Variants in KIF13B observed in about 807,000 individuals in gnomAD.
KIF13B encodes kinesin-like protein KIF13B.
Under a neutral mutation model 222.0 loss-of-function variants are expected in KIF13B, and 127 were observed. The observed-to-expected ratio is 0.57, with a 90% CI of 0.50 to 0.66. KIF13B has a LOEUF of 0.66. Ranked by LOEUF, KIF13B falls within the 30% of genes least tolerant of loss-of-function variation. The pLI, the probability that KIF13B is intolerant of heterozygous loss-of-function variation, is 0.00. For missense variants in KIF13B, 2,173 were observed against 2,379.0 expected, an observed-to-expected ratio of 0.91 and a Z score of 1.80; for synonymous variants, 976 against 919.0, an observed-to-expected ratio of 1.06 and a Z score of -1.12.
At chr8:29,241,853 A>T (rs1272108103) in intron 2 of KIF13B, among the ~76,000 whole-genome samples, 1 of 152,016 alleles carries the variant, frequency 6.6e-6, no homozygotes, top group Non-Finnish European at 1.5e-5. Flanking sequence ...GAGACAAAAT[A>T]TTTTTTTTAA....
At chr8:29,221,339 G>A (rs924638300) in intron 2 of KIF13B, among the ~76,000 whole-genome samples, 2 of 151,680 alleles carry the variant, frequency 1.3e-5, no homozygotes, top group East Asian at 1.9e-4. Flanking sequence ...CTGACCTCAA[G>A]TGATCTGCCC....
intron 2 of KIF13B, among the ~76,000 whole-genome samples, chr8:29,241,925 G>C (rs1815800539): frequency 6.6e-6 from 1 of 152,058 alleles, no homozygotes; most frequent in African/African-American, 2.4e-5. Flanking sequence ...CTAGTCACTA[G>C]CTTAAACTTT....
At position 29,128,044 on chromosome 8, in the gene KIF13B, GTATCAGTAAATA is replaced by G. The variant is rs61456296; in HGVS notation, c.3076-788_3076-777del. 2.1e-4 allele frequency among the ~76,000 whole-genome samples: 32 copies of G among 149,978 alleles called. No homozygotes were observed. The East Asian group carries it at 5.6e-3, about 26-fold the overall frequency. On this transcript the variant is annotated intron_variant, in intron 24 of 39. Coordinates refer to ENST00000524189, the MANE Select transcript of KIF13B (RefSeq NM_015254.4). ...TAAAATCAGTAAATATAAAAAATCA[GTATCAGTAAATA>G]TATCAGTAAATATATTATGTAAATA...
chr8:29,201,622 A>G (rs572114381), intron 2 of KIF13B, among the ~76,000 whole-genome samples: 58 of 152,300 alleles, frequency 3.8e-4, no homozygotes, highest in African/African-American at 9.9e-4. Context: ...TCCAAATCCC[A>G]TCATCTCTTT....
At chr8:29,080,657 C>T (rs1052363595) in intron 37 of KIF13B, among the ~76,000 whole-genome samples, 5 of 152,188 alleles carry the variant, frequency 3.3e-5, no homozygotes, top group Non-Finnish European at 5.9e-5. Context: ...GCTTGGCATT[C>T]TAACTTTTGT....
intron 29 of KIF13B, 106 bp downstream of exon 29, chr8:29,122,485 C>A: frequency 1.2e-6 from 1 of 868,978 alleles, no homozygotes. Flanking sequence ...CTGGCTCTAG[C>A]CTTAGGGGGA....
Position 29,071,938 on chromosome 8 carries a change from G to A in KIF13B, c.4900C>T (p.Arg1634Cys), listed in dbSNP as rs1411199048. ...PQQLVSPGRE[R>C]PDLEAPAPGS... Reference sequence around the variant, plus strand: ...GGCGCCGGGGCCTCGAGGTCGGGGCGCTCCCGACCGGGGCTCACGAGCTGC... The same window carrying A: ...GGCGCCGGGGCCTCGAGGTCGGGGCACTCCCGACCGGGGCTCACGAGCTGC... Residue 1634 changes from arginine (R) to cysteine (C), a missense_variant, in exon 39 of 40, where the codon CGC (arginine) becomes TGC (cysteine). Around this residue, in one of 2 missense-constraint regions of KIF13B, gnomAD observed 693 missense variants for 656.2 expected, o/e 1.06. Coordinates refer to ENST00000524189, the MANE Select transcript of KIF13B (RefSeq NM_015254.4). This position sits in a 1 kb window ranked among gnomAD's most constrained non-coding sequence, Gnocchi z 4.9. 4 of 1,395,782 alleles carry A rather than the reference G, an allele frequency of 2.9e-6. No homozygotes were observed. The highest frequency in any genetic ancestry group is 3.0e-5 in the South Asian group (2 of 67,266). The allele number at this position is 1,395,782 out of a possible 1,614,324, so 86.5% of individuals were successfully genotyped here.
intron 1 of KIF13B, among the ~76,000 whole-genome samples, chr8:29,246,299 C>T (rs1816019217): frequency 6.6e-6 from 1 of 151,874 alleles, no homozygotes; most frequent in Non-Finnish European, 1.5e-5. Context: ...ATCGCTTGAA[C>T]CCAGGAGGCA....
intron 2 of KIF13B, among the ~76,000 whole-genome samples, chr8:29,239,422 A>G (rs1055947653): frequency 6.6e-6 from 1 of 152,246 alleles, no homozygotes; most frequent in African/African-American, 2.4e-5. Flanking sequence ...TTAAAAGGAC[A>G]AAAGAGAAAC....
chr8:29,182,855 TGA>T (rs757050189), intron 6 of KIF13B, among the ~76,000 whole-genome samples: 26 of 152,086 alleles, frequency 1.7e-4, no homozygotes, highest in Non-Finnish European at 3.5e-4. Flanking sequence ...TCAAAATTGC[TGA>T]GAGTAGACAG....
intron 2 of KIF13B, among the ~76,000 whole-genome samples, chr8:29,233,673 A>C (rs1218570436): frequency 6.6e-6 from 1 of 152,180 alleles, no homozygotes; most frequent in Non-Finnish European, 1.5e-5. Context: ...ATATTTTTTG[A>C]ATTAGAAGCT....
chr8:29,096,036 C>A (rs1463569351), intron 36 of KIF13B, among the ~76,000 whole-genome samples: 1 of 149,878 alleles, frequency 6.7e-6, no homozygotes, highest in Non-Finnish European at 1.5e-5. Flanking sequence ...GACTGGAGTG[C>A]GATGGCGTGA....
At chr8:29,135,029 CT>C (rs1315051630) in intron 21 of KIF13B, among the ~76,000 whole-genome samples, 7 of 152,214 alleles carry the variant, frequency 4.6e-5, no homozygotes, top group African/African-American at 1.4e-4. Flanking sequence ...CTTAATATTT[CT>C]TTTGGTGGGC....
intron 29 of KIF13B, 137 bp from the exon 30 acceptor site, chr8:29,119,129 T>G: frequency 1.2e-6 from 1 of 864,018 alleles, no homozygotes; most frequent in South Asian, 1.7e-5. Context: ...TACATGACAC[T>G]GAAGATGACC....
intron 14 of KIF13B, among the ~76,000 whole-genome samples, chr8:29,152,217 G>A (rs781169929): frequency 1.5e-4 from 23 of 152,254 alleles, no homozygotes; most frequent in Non-Finnish European, 2.5e-4. Context: ...CAAAGAAAGT[G>A]GTTTCTTGAG....
intron 30 of KIF13B, among the ~76,000 whole-genome samples, 184 bp from the exon 31 acceptor site, chr8:29,117,191 A>T (rs1809644239): frequency 1.3e-5 from 2 of 152,212 alleles, no homozygotes; most frequent in South Asian, 4.1e-4. Context: ...CTTAGCCTGA[A>T]AAGTATAGAG....
intron 18 of KIF13B, among the ~76,000 whole-genome samples, chr8:29,143,848 A>T (rs532580919): frequency 1.3e-5 from 2 of 152,174 alleles, no homozygotes; most frequent in South Asian, 2.1e-4. Flanking sequence ...GTCTCAAAAA[A>T]AATAATAATA....
At chr8:29,200,813 A>G (rs1813662300) in intron 2 of KIF13B, among the ~76,000 whole-genome samples, 1 of 152,170 alleles carries the variant, frequency 6.6e-6, no homozygotes, top group Non-Finnish European at 1.5e-5. Flanking sequence ...ATGTCCCTCA[A>G]TCTGGGTTTG....
chr8:29,095,097 G>T (rs549907342), intron 36 of KIF13B, among the ~76,000 whole-genome samples: 1 of 152,076 alleles, frequency 6.6e-6, no homozygotes, highest in Non-Finnish European at 1.5e-5. Context: ...AATGAATAAT[G>T]TCTAAACATT....
Sources: gnomAD v4.1 joint callset for allele counts (sites outside exome capture counted in the v4.1 genomes callset) on GRCh38, gnomAD v4.1.1 for gene constraint, gnomAD v4.1.1 regional missense constraint, Gnocchi (gnomAD v3.1) non-coding constraint, MANE v1.5 for transcripts, NCBI Gene and HGNC (gene_info 2026-07-23, HGNC 2026-07-21) for gene names.